The following FGF6 variants were observed in gnomAD, a reference collection of about 807,000 sequenced individuals.
The protein encoded by FGF6 is fibroblast growth factor 6.
A neutral mutation model predicts 18.4 loss-of-function variants in FGF6; 14 were observed. That is an observed-to-expected ratio of 0.76 (90% CI 0.50 to 1.19). The LOEUF (loss-of-function observed/expected upper bound fraction) is 1.19, where lower values mean the gene tolerates loss of function less well. Ranked by LOEUF, FGF6 falls within the 50% of genes most tolerant of loss-of-function variation. The pLI is 0.00. For missense variants in FGF6, 266 were observed against 271.6 expected (o/e 0.98, Z 0.15); for synonymous variants, 125 against 116.7 (o/e 1.07, Z -0.46).
At chr12:4,438,195 C>A (rs1865646112) in intron 2 of FGF6, among the ~76,000 whole-genome samples, 1 of 152,210 alleles carries the variant, frequency 6.6e-6, no homozygotes, top group East Asian at 1.9e-4. Flanking sequence ...TGTGAGATCC[C>A]ATTTTTAGTG....
chr12:4,440,249 A>G (rs1055604562), intron 2 of FGF6, among the ~76,000 whole-genome samples: 1 of 152,204 alleles, frequency 6.6e-6, no homozygotes, highest in Non-Finnish European at 1.5e-5. Context: ...GGCACTCACT[A>G]TGGAGAAGGG....
chr12:4,438,986 T>A (rs879263229), intron 2 of FGF6, among the ~76,000 whole-genome samples: 1 of 152,186 alleles, frequency 6.6e-6, no homozygotes, highest in Non-Finnish European at 1.5e-5. Flanking sequence ...ACGTGTGCGT[T>A]AGCTATTTCT....
In FGF6 at chr12:4,445,753, C is replaced by T. The variant is rs976776283; in HGVS notation, c.-183G>A. ...GAGCAGAGGGACCCAGGCTGAGCCG[C>T]GGCCGGTAGAGACCATGGCTCGGGG... is the stretch of plus-strand genomic sequence containing the variant. On this transcript the variant is annotated 5_prime_UTR_variant, in exon 1 of 3. Transcript: ENST00000228837. This position sits in a 1 kb window ranked among gnomAD's most constrained non-coding sequence, Gnocchi z 5.5. 7 of 598,406 alleles carry T rather than the reference C, an allele frequency of 1.2e-5. No individual in the cohort carries two copies. The Admixed American group carries it at 1.5e-4, about 13-fold the overall frequency. 37.1% of individuals were successfully genotyped at this position (598,406 alleles called of 1,614,324 possible). A position where few individuals can be genotyped will look rare whatever the true frequency, so the allele number is the denominator to read the frequency against.
Position 4,445,431 on chromosome 12 carries a change from G to T in FGF6, c.140C>A (p.Thr47Lys). The T allele has an allele frequency of 6.2e-7, 1 of 1,613,366 alleles. No individual in the cohort carries two copies. The highest frequency in any genetic ancestry group is 8.5e-7 in the Non-Finnish European group (1 of 1,180,012). ...GCCCCAGCCCCTCGAGTCCAGCAGC[G>T]TGTTGTTGGCACGGGTGCCTGCAGG... ...PSPAGTRANN[T>K]LLDSRGWGTL... The change falls in exon 1 of 3, where the codon ACG (threonine) becomes AAG (lysine). Residue 47 changes from threonine (T) to lysine (K), a missense_variant. Transcript: ENST00000228837. The surrounding 1 kb of genome is among the most constrained non-coding windows in gnomAD (Gnocchi z 5.5).
chr12:4,437,963 A>G (rs1184549477), intron 2 of FGF6, among the ~76,000 whole-genome samples: 3 of 152,166 alleles, frequency 2.0e-5, no homozygotes, highest in African/African-American at 4.8e-5. Context: ...ATTGTCTTCT[A>G]CTTGAAAAAT....
In FGF6 at chr12:4,445,565, G is replaced by C; in HGVS notation, c.6C>G (p.Ala2=). The change falls in exon 1 of 3, where the codon GCC becomes GCG. Residue 2 remains alanine, a synonymous_variant. Coordinates refer to ENST00000228837, the MANE Select transcript of FGF6 (RefSeq NM_020996.3). The surrounding 1 kb of genome is among the most constrained non-coding windows in gnomAD (Gnocchi z 5.5). ...TAGTGATGAACAGTTTCTGTCCCAGGGCCATCCACCTTGCCTCTCAGGCAC... is the reference window on the plus strand; with the variant it reads ...TAGTGATGAACAGTTTCTGTCCCAGCGCCATCCACCTTGCCTCTCAGGCAC... M[A]LGQKLFITMS... The C allele has an allele frequency of 6.3e-7, 1 of 1,582,492 alleles. No homozygotes were observed. The highest frequency in any genetic ancestry group is 1.1e-5 in the South Asian group (1 of 88,936).
chr12:4,442,460 G>A (rs1591692656), intron 2 of FGF6, among the ~76,000 whole-genome samples: 1 of 152,134 alleles, frequency 6.6e-6, no homozygotes, highest in Non-Finnish European at 1.5e-5. Context: ...TTTCTGGGTA[G>A]GAAGAAAAAA....
intron 2 of FGF6, among the ~76,000 whole-genome samples, chr12:4,437,579 A>G (rs1259568765): frequency 1.3e-5 from 2 of 152,242 alleles, no homozygotes; most frequent in Non-Finnish European, 2.9e-5. Flanking sequence ...GAAACATTCC[A>G]AGTAAAGCTA....
intron 2 of FGF6, among the ~76,000 whole-genome samples, chr12:4,442,352 T>C (rs1444350338): frequency 3.3e-5 from 5 of 152,146 alleles, no homozygotes; most frequent in South Asian, 4.1e-4. Context: ...TTCCCGAGCC[T>C]TTCCCAGCTT....
chr12:4,434,335 A>G lies in FGF6; in HGVS notation c.507T>C (p.Asn169=), dbSNP rs376776555. 1.9e-6 allele frequency: 3 copies of G among 1,614,154 alleles called. No individual in the cohort carries two copies. In the African/African-American group the frequency reaches 4.0e-5, roughly 22 times the overall value. The change falls in exon 3 of 3, where the codon AAT becomes AAC. Residue 169 remains asparagine, a synonymous_variant. Transcript: ENST00000228837. ...CTTGGTACAAGTCTGACTCGTAGGC[A>G]TTGTAATTGTTGGGCAGGAGGGTTT... ...FRETLLPNNY[N]AYESDLYQGT...
At chr12:4,441,374 C>A (rs1046511729) in intron 2 of FGF6, among the ~76,000 whole-genome samples, 6 of 152,156 alleles carry the variant, frequency 3.9e-5, no homozygotes, top group African/African-American at 1.4e-4. Context: ...GGACGTGTGA[C>A]CCTGGAGACC....
rs1241601189 is a variant in FGF6 at position 4,445,085 on chromosome 12, C to G, written c.346+140G>C. 4.1e-6 allele frequency: 3 copies of G among 739,450 alleles called. No homozygotes were observed. The highest frequency in any genetic ancestry group is 3.7e-5 in the South Asian group (2 of 54,482). 45.8% of individuals were successfully genotyped at this position (739,450 alleles called of 1,614,324 possible). ...TTGAGCTTGCACCCAGGCAGGGTCACGTGGAATCATCTAAGTGGTGAGCAG... is the reference window on the plus strand; with the variant it reads ...TTGAGCTTGCACCCAGGCAGGGTCAGGTGGAATCATCTAAGTGGTGAGCAG... On this transcript the variant is annotated intron_variant, in intron 1 of 2. Transcript: ENST00000228837. The surrounding 1 kb of genome is among the most constrained non-coding windows in gnomAD (Gnocchi z 5.5).
At chr12:4,444,034 AG>A in intron 2 of FGF6, 98 bp downstream of exon 2, 2 of 750,194 alleles carry the variant, frequency 2.7e-6, no homozygotes, top group Non-Finnish European at 4.5e-6. Context: ...TTTCCCATTT[AG>A]ATAGTCACTT....
At chr12:4,437,514 T>C (rs1181029947) in intron 2 of FGF6, among the ~76,000 whole-genome samples, 6 of 152,164 alleles carry the variant, frequency 3.9e-5, no homozygotes, top group African/African-American at 1.4e-4. Flanking sequence ...CTTCAGTCGT[T>C]GGTGGGCAAG....
Position 4,445,135 on chromosome 12 carries a change from T to G in FGF6, c.346+90A>C. On this transcript the variant is annotated intron_variant, in intron 1 of 2. Coordinates refer to ENST00000228837, the MANE Select transcript of FGF6 (RefSeq NM_020996.3). This position sits in a 1 kb window ranked among gnomAD's most constrained non-coding sequence, Gnocchi z 5.5. ...GCATTTCTGCCCCCTTTATCGTGCA[T>G]CCTGTCCGCTAGAGCAGGGCCCCTT... 9.0e-7 allele frequency: 1 copy of G among 1,107,870 alleles called. No homozygotes were observed. Among genetic ancestry groups the G allele is most frequent in the Non-Finnish European group, 1.3e-6 (1 of 774,612 alleles). The allele number at this position is 1,107,870 out of a possible 1,614,324, so 68.6% of individuals were successfully genotyped here. A position where few individuals can be genotyped will look rare whatever the true frequency, so the allele number is the denominator to read the frequency against.
intron 2 of FGF6, among the ~76,000 whole-genome samples, chr12:4,443,240 A>C (rs1216894062): frequency 6.6e-6 from 1 of 152,170 alleles, no homozygotes. Context: ...TTCACATCCC[A>C]GTCCTCAGTT....
At chr12:4,439,439 G>T (rs992075581) in intron 2 of FGF6, among the ~76,000 whole-genome samples, 3 of 152,200 alleles carry the variant, frequency 2.0e-5, no homozygotes, top group Non-Finnish European at 4.4e-5. Context: ...GGAAGGGGAA[G>T]TGGGAGGAAC....
At chr12:4,435,236 C>T (rs573910748) in intron 2 of FGF6, among the ~76,000 whole-genome samples, 9 of 152,026 alleles carry the variant, frequency 5.9e-5, no homozygotes, top group Middle Eastern at 3.4e-3. Context: ...GGTGGGTGAG[C>T]GAAGCTTCAT....
chr12:4,445,423 C>A lies in FGF6; in HGVS notation c.148G>T (p.Asp50Tyr). The A allele has an allele frequency of 2.5e-6, 4 of 1,613,498 alleles. No homozygotes were observed. The highest frequency in any genetic ancestry group is 3.4e-6 in the Non-Finnish European group (4 of 1,180,010). ...AGTRANNTLL[D>Y]SRGWGTLLSR... ...AGCAGGGTGCCCCAGCCCCTCGAGT[C>A]CAGCAGCGTGTTGTTGGCACGGGTG... is the stretch of plus-strand genomic sequence containing the variant. Residue 50 changes from aspartate to tyrosine, a missense_variant, in exon 1 of 3, where the codon GAC becomes TAC. By Grantham distance (160) the Asp-to-Tyr change is radical. Coordinates refer to ENST00000228837, the MANE Select transcript of FGF6 (RefSeq NM_020996.3). The surrounding 1 kb of genome is among the most constrained non-coding windows in gnomAD (Gnocchi z 5.5).
Sources: gnomAD v4.1 joint callset for allele counts (sites outside exome capture counted in the v4.1 genomes callset) on GRCh38, gnomAD v4.1.1 for gene constraint, Gnocchi (gnomAD v3.1) non-coding constraint, MANE v1.5 for transcripts, NCBI Gene and HGNC (gene_info 2026-07-23, HGNC 2026-07-21) for gene names.